NHSL2: variants seen among roughly 807,000 people sequenced by gnomAD.
The protein encoded by NHSL2 is NHS like 2, also known as NHS-like protein 2.
In NHSL2, 27 loss-of-function variants were observed where a neutral mutation model predicts 53.4. That is an observed-to-expected ratio of 0.51 (90% CI 0.37 to 0.70). The LOEUF is 0.70. Ranked by LOEUF, NHSL2 falls within the 30% of genes least tolerant of loss-of-function variation. The pLI is 0.00. For missense variants in NHSL2, 892 were observed against 980.1 expected (o/e 0.91, Z 1.20); for synonymous variants, 408 against 404.1 (o/e 1.01, Z -0.12).
intron 1 of NHSL2, among the ~76,000 whole-genome samples, chrX:71,980,370 G>A (rs142117827): frequency 4.5e-5 from 5 of 111,348 alleles, no homozygotes; most frequent in African/African-American, 1.6e-4. Context: ...CCATTTTCAC[G>A]ATATTGATTC....
At chrX:72,031,480 A>G (rs982682733) in intron 1 of NHSL2, among the ~76,000 whole-genome samples, 6 of 112,418 alleles carry the variant, frequency 5.3e-5, no homozygotes, top group Non-Finnish European at 9.4e-5. Context: ...CTTACTAATT[A>G]TTAGCTTTAA....
chrX:71,933,063 C>A (rs1299779222), intron 1 of NHSL2, among the ~76,000 whole-genome samples: 1 of 112,343 alleles, frequency 8.9e-6, no homozygotes, highest in Admixed American at 9.4e-5. Flanking sequence ...CAGCCCTCCA[C>A]ACCTATGCTC....
chrX:71,994,546 A>G (rs2042041628), intron 1 of NHSL2, among the ~76,000 whole-genome samples: 2 of 111,226 alleles, frequency 1.8e-5, no homozygotes, highest in African/African-American at 6.6e-5. Flanking sequence ...AAAATAATCT[A>G]TACCTCAAAC....
chrX:72,082,757 G>A (rs1339371909), intron 1 of NHSL2, among the ~76,000 whole-genome samples: 1 of 111,681 alleles, frequency 9.0e-6, no homozygotes, highest in African/African-American at 3.3e-5. Context: ...TGAGCCTCTG[G>A]TAGGTTCTTT....
chrX:72,056,320 G>A (rs1457739452), intron 1 of NHSL2, among the ~76,000 whole-genome samples: 1 of 111,865 alleles, frequency 8.9e-6, no homozygotes, highest in Non-Finnish European at 1.9e-5. Context: ...GAGAAAGGGA[G>A]AAAATTCTGT....
intron 1 of NHSL2, among the ~76,000 whole-genome samples, chrX:72,126,643 A>G (rs1265235861): frequency 1.8e-5 from 2 of 110,258 alleles, no homozygotes; most frequent in Admixed American, 9.6e-5. Context: ...GTTTCTTCTG[A>G]CCCCACAGTC....
intron 1 of NHSL2, among the ~76,000 whole-genome samples, chrX:72,084,266 A>G (rs1410167571): frequency 8.9e-6 from 1 of 112,389 alleles, no homozygotes; most frequent in Non-Finnish European, 1.9e-5. Flanking sequence ...CCTGGGGACT[A>G]TCACAGCTCC....
At chrX:72,082,966 T>C (rs2041805550) in intron 1 of NHSL2, among the ~76,000 whole-genome samples, 1 of 112,455 alleles carries the variant, frequency 8.9e-6, no homozygotes, top group African/African-American at 3.2e-5. Context: ...TATTGTTTTT[T>C]TTCATGTTAA....
chrX:71,988,101 AAAAGAGAGAAAG>A (rs1473702276), intron 1 of NHSL2, among the ~76,000 whole-genome samples: 1 of 112,170 alleles, frequency 8.9e-6, no homozygotes, highest in African/African-American at 3.2e-5. Context: ...TAAGAAATGG[AAAAGAGAGAAAG>A]AAAGAGAGAA....
chrX:72,077,107 C>T (rs1015750135), intron 1 of NHSL2, among the ~76,000 whole-genome samples: 1 of 110,577 alleles, frequency 9.0e-6, no homozygotes. Flanking sequence ...ATCCCCTCCC[C>T]GATGCCACAC....
At chrX:71,976,844 C>G (rs2041950623) in intron 1 of NHSL2, among the ~76,000 whole-genome samples, 1 of 112,446 alleles carries the variant, frequency 8.9e-6, no homozygotes, top group African/African-American at 3.2e-5. Context: ...CGATTCACTT[C>G]TCCCTAGGGA....
chrX:71,946,559 G>A (rs954603235), intron 1 of NHSL2, among the ~76,000 whole-genome samples: 7 of 111,476 alleles, frequency 6.3e-5, no homozygotes, highest in Admixed American at 9.5e-5. Context: ...GACAGGGAGC[G>A]GTCGTCTGGC....
At chrX:71,937,176 C>T (rs771732297) in intron 1 of NHSL2, among the ~76,000 whole-genome samples, 8 of 111,776 alleles carry the variant, frequency 7.2e-5, no homozygotes, top group Non-Finnish European at 1.3e-4. Context: ...ACACATAGTA[C>T]CTTTCTTCGG....
intron 1 of NHSL2, among the ~76,000 whole-genome samples, chrX:72,007,563 T>C (rs1350665229): frequency 8.8e-6 from 1 of 113,045 alleles, no homozygotes; most frequent in African/African-American, 3.2e-5. Context: ...AAGGTGGGCA[T>C]GAGAAGAGAA....
rs1178164316 is a variant in NHSL2 at position 71,958,490 on chromosome X, G to A, written c.280+47123G>A. On this transcript the variant is annotated intron_variant, in intron 1 of 7. Transcript: ENST00000633930. The stretch of plus-strand genomic sequence containing the variant: ...CTGGCTCACTTCATCCATCATTCAT[G>A]TGGCTCAGATAGACCATTGCTGAGC... 3.6e-5 allele frequency among the ~76,000 whole-genome samples: 4 copies of A among 112,127 alleles called. No homozygotes were observed. The East Asian group carries it at 1.1e-3, about 31-fold the overall frequency.
chrX:71,910,892 G>GGTGGTGC lies in NHSL2; in HGVS notation c.-196_-195insGTGGTGC. The GGTGGTGC allele has an allele frequency of 4.1e-6, 1 of 246,769 alleles. No individual in the cohort carries two copies. Among genetic ancestry groups the GGTGGTGC allele is most frequent in the Non-Finnish European group, 7.1e-6 (1 of 141,071 alleles). 20.3% of individuals were successfully genotyped at this position (246,769 alleles called of 1,213,427 possible). A position where few individuals can be genotyped will look rare whatever the true frequency, so the allele number is the denominator to read the frequency against. ...AGTGTGCAGCCCCGGGGGAGCCGGC[G>GGTGGTGC]CTCTAGGCGAGGAACCCGTCAGCCC... On this transcript the variant is annotated 5_prime_UTR_variant, in exon 1 of 8. Transcript: ENST00000633930.
intron 1 of NHSL2, among the ~76,000 whole-genome samples, chrX:71,918,554 G>A (rs1177436713): frequency 9.0e-6 from 1 of 111,462 alleles, no homozygotes. Flanking sequence ...GAGGCCCGGA[G>A]GTGATTGAGG....
Position 71,971,534 on chromosome X carries a change from T to G in NHSL2, c.280+60167T>G, listed in dbSNP as rs2041924908. On this transcript the variant is annotated intron_variant, in intron 1 of 7. Coordinates refer to ENST00000633930, the MANE Select transcript of NHSL2 (RefSeq NM_001013627.3). ...GATTTGAGTTACCATCTAGTGTCAT[T>G]TCCTTATTCCAGTGCAGCTCTGTTC... Among the ~76,000 whole-genome samples the G allele has an allele frequency of 2.7e-5, 3 of 111,983 alleles. 1 individual carries two copies. Among genetic ancestry groups the G allele is most frequent in the Middle Eastern group, 8.4e-3 (2 of 239 alleles).
chrX:72,134,802 T>G (rs1394136748), intron 4 of NHSL2, 98 bp downstream of exon 4: 4 of 643,287 alleles, frequency 6.2e-6, no homozygotes, highest in Non-Finnish European at 9.5e-6. Context: ...AGTGAGACTT[T>G]CTTTGCTACC....
Sources: gnomAD v4.1 joint callset for allele counts (sites outside exome capture counted in the v4.1 genomes callset) on GRCh38, gnomAD v4.1.1 for gene constraint, MANE v1.5 for transcripts, NCBI Gene and HGNC (gene_info 2026-07-23, HGNC 2026-07-21) for gene names.